DLG2: variants seen among roughly 807,000 people sequenced by gnomAD.
DLG2 encodes the protein discs large MAGUK scaffold protein 2.
A neutral mutation model predicts 132.5 loss-of-function variants in DLG2; 45 were observed. The ratio of observed to expected loss-of-function variants is 0.34; its 90% CI spans 0.27 to 0.44. DLG2 has a LOEUF of 0.44. Among genes scored for constraint, DLG2 ranks in the 20% least tolerant of loss-of-function variants. The pLI is 1.00. For missense variants in DLG2, 1,045 were observed against 1,196.9 expected (o/e 0.87, Z 1.87); for synonymous variants, 424 against 419.6 (o/e 1.01, Z -0.13).
At chr11:85,290,986 G>A (rs1215266955) in intron 3 of DLG2, among the ~76,000 whole-genome samples, 1 of 152,002 alleles carries the variant, frequency 6.6e-6, no homozygotes, top group Non-Finnish European at 1.5e-5. Context: ...CACCTAACAT[G>A]ACATACCTAT....
intron 7 of DLG2, 30 bp downstream of exon 7, chr11:84,534,540 C>T (rs750710978): frequency 1.2e-5 from 20 of 1,607,394 alleles, no homozygotes; most frequent in Non-Finnish European, 1.7e-5. Flanking sequence ...CTGTCACCAA[C>T]TATAAAGTCG....
chr11:84,863,049 T>C (rs2084000305), intron 6 of DLG2, among the ~76,000 whole-genome samples: 1 of 152,074 alleles, frequency 6.6e-6, no homozygotes, highest in Non-Finnish European at 1.5e-5. Flanking sequence ...CCCTAAGGAA[T>C]TTATTAGCCA....
At chr11:85,262,079 G>C (rs1322539977) in intron 4 of DLG2, among the ~76,000 whole-genome samples, 1 of 152,148 alleles carries the variant, frequency 6.6e-6, no homozygotes, top group African/African-American at 2.4e-5. Context: ...CTGAGAGAGA[G>C]TCATGAAAGC....
intron 6 of DLG2, among the ~76,000 whole-genome samples, chr11:84,658,443 G>A (rs980106876): frequency 1.2e-4 from 19 of 152,202 alleles, no homozygotes; most frequent in African/African-American, 3.9e-4. Flanking sequence ...TCGTGAATGG[G>A]ATTTATGCCC....
chr11:83,616,839 TC>T (rs2060893916), intron 19 of DLG2, among the ~76,000 whole-genome samples: 2 of 152,220 alleles, frequency 1.3e-5, no homozygotes, highest in African/African-American at 4.8e-5. Context: ...TGAGGTTGGG[TC>T]AAGAGCCATT....
In DLG2 at chr11:85,606,554, C is replaced by T. The variant is rs1186341989; in HGVS notation, c.-92-7766G>A. Reference sequence around the variant, plus strand: ...GCTCTCTGTAAAATGGACCAATCAGCAGGATGTGGGTGGGGCCAAATAAGG... The same window carrying T: ...GCTCTCTGTAAAATGGACCAATCAGTAGGATGTGGGTGGGGCCAAATAAGG... On this transcript the variant is annotated intron_variant, in intron 2 of 27. Transcript: ENST00000376104. Among the ~76,000 whole-genome samples the T allele has an allele frequency of 2.0e-5, 3 of 152,248 alleles. No individual in the cohort carries two copies. In the South Asian group the frequency reaches 6.2e-4, roughly 32 times the overall value.
chr11:84,126,173 T>C (rs555093906), intron 9 of DLG2, among the ~76,000 whole-genome samples: 73 of 152,150 alleles, frequency 4.8e-4, no homozygotes, highest in Non-Finnish European at 5.9e-5. Flanking sequence ...GAGACGATGA[T>C]GAAGAAATGG....
intron 8 of DLG2, among the ~76,000 whole-genome samples, chr11:84,234,953 C>A (rs1251326677): frequency 1.3e-5 from 2 of 152,314 alleles, no homozygotes; most frequent in South Asian, 4.1e-4. Flanking sequence ...AGTCTGGCAC[C>A]TTTTAAAGCC....
At chr11:83,748,649 G>C (rs941000555) in intron 18 of DLG2, among the ~76,000 whole-genome samples, 5 of 152,264 alleles carry the variant, frequency 3.3e-5, no homozygotes, top group Non-Finnish European at 7.4e-5. Context: ...GCTTCACTAA[G>C]AAGACAATGT....
intron 17 of DLG2, among the ~76,000 whole-genome samples, chr11:83,791,995 CAT>C (rs2041697927): frequency 6.6e-6 from 1 of 152,202 alleles, no homozygotes; most frequent in African/African-American, 2.4e-5. Context: ...TAGATCATAA[CAT>C]ATATAATTTG....
At chr11:85,191,300 G>A (rs543627908) in intron 4 of DLG2, among the ~76,000 whole-genome samples, 98 of 151,472 alleles carry the variant, frequency 6.5e-4, no homozygotes, top group African/African-American at 2.4e-3. Flanking sequence ...GGACCCAGTA[G>A]TGGAAGGAAA....
At chr11:84,535,292 A>G (rs2099352694) in intron 6 of DLG2, among the ~76,000 whole-genome samples, 1 of 152,214 alleles carries the variant, frequency 6.6e-6, no homozygotes, top group Admixed American at 6.5e-5. Context: ...TTCACCCGCT[A>G]GGAGAAGGAG....
rs577180126 is a variant in DLG2 at position 84,361,749 on chromosome 11, A to C, written c.520-110458T>G. ...GATAGTAATCTATTATATGACTTACATAGAGAAATAAAATTGTGCACAAGA... is the reference window on the plus strand; with the variant it reads ...GATAGTAATCTATTATATGACTTACCTAGAGAAATAAAATTGTGCACAAGA... On this transcript the variant is annotated intron_variant, in intron 7 of 27. Transcript: ENST00000376104. Among the ~76,000 whole-genome samples, 7 of 152,156 alleles carry C rather than the reference A, an allele frequency of 4.6e-5. No homozygotes were observed. In the South Asian group the frequency reaches 1.4e-3, roughly 31 times the overall value.
chr11:85,029,771 C>A (rs556984762), intron 6 of DLG2, among the ~76,000 whole-genome samples: 1 of 152,286 alleles, frequency 6.6e-6, no homozygotes, highest in South Asian at 2.1e-4. Flanking sequence ...TTAAATGTAG[C>A]CAACTCTGAA....
At chr11:83,477,118 C>CACACATCCA (rs778269643) in intron 22 of DLG2, among the ~76,000 whole-genome samples, 64 of 152,056 alleles carry the variant, frequency 4.2e-4, no homozygotes, top group Non-Finnish European at 7.5e-4. Flanking sequence ...TATCAGCTTG[C>CACACATCCA]ACACATCCAT....
chr11:83,906,059 C>G (rs1347184972), intron 15 of DLG2, among the ~76,000 whole-genome samples: 4 of 79,676 alleles, frequency 5.0e-5, no homozygotes, highest in Non-Finnish European at 7.0e-5. Context: ...GTCTGTCTCT[C>G]TCTCTCTCTC....
intron 6 of DLG2, among the ~76,000 whole-genome samples, chr11:84,938,767 T>C (rs1387461464): frequency 3.3e-5 from 5 of 152,198 alleles, no homozygotes; most frequent in African/African-American, 9.6e-5. Flanking sequence ...GGTGTCTAAC[T>C]GTGAGTACAC....
chr11:84,002,172 G>A (rs1425813627), intron 11 of DLG2, among the ~76,000 whole-genome samples: 3 of 152,102 alleles, frequency 2.0e-5, no homozygotes, highest in African/African-American at 7.2e-5. Context: ...ACCTAAAATA[G>A]CAAAGAAGAG....
chr11:83,531,402 A>G (rs1276887448), intron 21 of DLG2, among the ~76,000 whole-genome samples: 3 of 152,114 alleles, frequency 2.0e-5, no homozygotes, highest in African/African-American at 7.2e-5. Context: ...AGCACATGAA[A>G]ATATGCTCAA....
Sources: allele counts gnomAD v4.1 joint callset (sites outside exome capture counted in the v4.1 genomes callset), GRCh38; gene constraint gnomAD v4.1.1; transcripts MANE v1.5; gene names NCBI Gene and HGNC (gene_info 2026-07-23, HGNC 2026-07-21).